Variants in MTHFD2L observed in about 807,000 individuals in gnomAD.
MTHFD2L encodes the protein bifunctional methylenetetrahydrofolate dehydrogenase/cyclohydrolase 2, mitochondrial.
Under a neutral mutation model 34.9 loss-of-function variants are expected in MTHFD2L, and 29 were observed. The observed-to-expected ratio is 0.83, with a 90% CI of 0.62 to 1.13. MTHFD2L has a LOEUF of 1.13. Among genes scored for constraint, MTHFD2L ranks in the 50% most tolerant of loss-of-function variants. MTHFD2L has a pLI of 0.00. For missense variants in MTHFD2L, 481 were observed against 446.5 expected, an observed-to-expected ratio of 1.08 and a Z score of -0.70; for synonymous variants, 167 against 155.7, an observed-to-expected ratio of 1.07 and a Z score of -0.54.
At chr4:74,150,656 A>G (rs1723875692) in intron 1 of MTHFD2L, among the ~76,000 whole-genome samples, 1 of 150,692 alleles carries the variant, frequency 6.6e-6, no homozygotes, top group Non-Finnish European at 1.5e-5. Context: ...TGCTCCAAAC[A>G]TTATCCCATA....
chr4:74,250,896 C>CT (rs1389824678), intron 6 of MTHFD2L, among the ~76,000 whole-genome samples: 3 of 152,150 alleles, frequency 2.0e-5, no homozygotes, highest in African/African-American at 7.2e-5. Context: ...TGCTGAAGCC[C>CT]TTTAAGTGGA....
intron 7 of MTHFD2L, among the ~76,000 whole-genome samples, chr4:74,289,470 T>A (rs1245289532): frequency 1.3e-5 from 2 of 152,132 alleles, no homozygotes; most frequent in African/African-American, 2.4e-5. Context: ...AGCAATCCCA[T>A]CTTATAGACC....
At position 74,134,717 on chromosome 4, in the gene MTHFD2L, A is replaced by G. The variant is rs146001713; in HGVS notation, c.-297+9200A>G. On this transcript the variant is annotated intron_variant, in intron 1 of 7. Coordinates refer to the MTHFD2L transcript ENST00000433372. The stretch of plus-strand genomic sequence containing the variant: ...TTTTAAGGAAACTTTGTTATCTCTA[A>G]GATAACACAGAAAAGCAACTCAGAT... Among the ~76,000 whole-genome samples the G allele has an allele frequency of 9.9e-5, 15 of 152,280 alleles. No individual in the cohort carries two copies. The East Asian group carries it at 2.9e-3, about 29-fold the overall frequency.
intron 1 of MTHFD2L, among the ~76,000 whole-genome samples, chr4:74,150,406 A>G (rs1173866134): frequency 6.6e-6 from 1 of 152,172 alleles, no homozygotes; most frequent in East Asian, 1.9e-4. Flanking sequence ...GGCATGCGCC[A>G]CCATGCCCAG....
At chr4:74,159,176 A>G (rs1724865803) in intron 1 of MTHFD2L, among the ~76,000 whole-genome samples, 1 of 152,210 alleles carries the variant, frequency 6.6e-6, no homozygotes. Context: ...CCTATTGTGT[A>G]CATTTAGATC....
rs1190106860 is a variant in MTHFD2L at position 74,174,618 on chromosome 4, A to G, written c.256A>G (p.Ile86Val). Residue 86 changes from isoleucine to valine, a missense_variant, in exon 2 of 8, where the codon ATA (isoleucine) becomes GTA (valine). Ile to Val is a conservative substitution (Grantham distance 29). Transcript: ENST00000325278. ...TGGAAACAGAAGACCTCACCTCAGT[A>G]TAATTTTAGTGGGAGATAACCCAGC... The part of the protein sequence containing the change: ...SLGNRRPHLS[I>V]ILVGDNPASH... The G allele has an allele frequency of 7.5e-6, 12 of 1,605,128 alleles. No individual in the cohort carries two copies. Among genetic ancestry groups the G allele is most frequent in the East Asian group, 4.5e-5 (2 of 44,284 alleles).
At chr4:74,156,541 A>G (rs937007107), upstream of MTHFD2L, 5 of 152,210 alleles carry the variant, frequency 3.3e-5, no homozygotes, top group Non-Finnish European at 7.4e-5. Context: ...TTTATTGCAG[A>G]CATATTTTAA....
intron 3 of MTHFD2L, chr4:74,182,978 T>G (rs1730472976): frequency 6.6e-6 from 1 of 152,160 alleles, no homozygotes; most frequent in Admixed American, 6.5e-5. Context: ...CAGATTTTTT[T>G]AAACCTATAA....
At chr4:74,252,205 G>A (rs1263083718) in intron 6 of MTHFD2L, among the ~76,000 whole-genome samples, 1 of 152,230 alleles carries the variant, frequency 6.6e-6, no homozygotes, top group African/African-American at 2.4e-5. Flanking sequence ...GGAGTCTAAA[G>A]CTAAGCAAGA....
At chr4:74,201,177 T>A (rs1734356749) in intron 4 of MTHFD2L, 86 bp from the exon 5 acceptor site, 1 of 908,430 alleles carries the variant, frequency 1.1e-6, no homozygotes, top group Non-Finnish European at 1.7e-6. Flanking sequence ...TAGAAATTTT[T>A]AAAAGAATGT....
chr4:74,297,384 C>T (rs965189787), intron 7 of MTHFD2L, among the ~76,000 whole-genome samples: 2 of 151,966 alleles, frequency 1.3e-5, no homozygotes, highest in African/African-American at 4.8e-5. Context: ...CATGTGTCTT[C>T]ATTAATCTCA....
At chr4:74,225,751 T>C (rs1739050594) in intron 6 of MTHFD2L, among the ~76,000 whole-genome samples, 1 of 152,142 alleles carries the variant, frequency 6.6e-6, no homozygotes, top group South Asian at 2.1e-4. Context: ...ATTTTCAAGT[T>C]GTATCAAGGA....
rs1209615048 is a variant in MTHFD2L, at chr4:74,180,692, G to A, written c.451+5289G>A. 8 of 455,082 alleles carry A rather than the reference G, an allele frequency of 1.8e-5. No individual in the cohort carries two copies. In the East Asian group the frequency reaches 3.5e-4, roughly 20 times the overall value. 28.2% of individuals were successfully genotyped at this position (455,082 alleles called of 1,614,324 possible). A position where few individuals can be genotyped will look rare whatever the true frequency, so the allele number is the denominator to read the frequency against. ...TAAGCCTTGTTTATGTTCAGAAGCT[G>A]TGCAACTTTGTTCAGGATTTGAAAT... On this transcript the variant is annotated intron_variant, in intron 3 of 7. Coordinates refer to ENST00000325278, the MANE Select transcript of MTHFD2L (RefSeq NM_001144978.3).
At chr4:74,127,735 T>C (rs1722180967) in intron 1 of MTHFD2L, among the ~76,000 whole-genome samples, 1 of 152,172 alleles carries the variant, frequency 6.6e-6, no homozygotes, top group African/African-American at 2.4e-5. Flanking sequence ...CTCTTTGATA[T>C]ACCGATTTTC....
intron 3 of MTHFD2L, among the ~76,000 whole-genome samples, chr4:74,198,463 A>C (rs1231595134): frequency 6.6e-6 from 1 of 152,126 alleles, no homozygotes; most frequent in Non-Finnish European, 1.5e-5. Flanking sequence ...CTAGCTAAAA[A>C]TAGATACTCC....
At chr4:74,257,855 G>T (rs1168599468) in intron 6 of MTHFD2L, among the ~76,000 whole-genome samples, 1 of 152,054 alleles carries the variant, frequency 6.6e-6, no homozygotes, top group Non-Finnish European at 1.5e-5. Flanking sequence ...ATATAAGTAA[G>T]TCATACAACT....
chr4:74,284,764 T>C (rs1437176650), intron 7 of MTHFD2L, among the ~76,000 whole-genome samples: 1 of 152,118 alleles, frequency 6.6e-6, no homozygotes, highest in Non-Finnish European at 1.5e-5. Flanking sequence ...AGTTCAACCA[T>C]TGTGGAAGTC....
chr4:74,200,066 CG>C (rs1734159910), intron 4 of MTHFD2L, 120 bp downstream of exon 4: 1 of 832,714 alleles, frequency 1.2e-6, no homozygotes, highest in African/African-American at 1.7e-5. Context: ...ATCCATAAAA[CG>C]TCAGTGTACA....
chr4:74,191,057 T>C (rs765862658), intron 3 of MTHFD2L, among the ~76,000 whole-genome samples: 1 of 152,004 alleles, frequency 6.6e-6, no homozygotes, highest in Non-Finnish European at 1.5e-5. Flanking sequence ...CCGGCCACCA[T>C]GCCCATCTAA....
Sources: gnomAD v4.1 joint callset for allele counts (sites outside exome capture counted in the v4.1 genomes callset) on GRCh38, gnomAD v4.1.1 for gene constraint, MANE v1.5 for transcripts, NCBI Gene and HGNC (gene_info 2026-07-23, HGNC 2026-07-21) for gene names.